Variants in CSMD1 observed in about 807,000 individuals in gnomAD.
The protein encoded by CSMD1 is CUB and Sushi multiple domains 1, also known as CUB and sushi domain-containing protein 1.
A neutral mutation model predicts 417.5 loss-of-function variants in CSMD1; 213 were observed. The ratio of observed to expected loss-of-function variants is 0.51; its 90% CI spans 0.46 to 0.57. CSMD1 has a LOEUF of 0.57. Ranked by LOEUF, CSMD1 falls within the 20% of genes least tolerant of loss-of-function variation. The pLI is 0.00. For missense variants in CSMD1, 6,923 were observed against 4,529.7 expected, an observed-to-expected ratio of 1.53 and a Z score of -15.17; for synonymous variants, 2,862 against 1,736.8, an observed-to-expected ratio of 1.65 and a Z score of -16.11.
chr8:4,204,038 T>G (rs1161982802), intron 3 of CSMD1, among the ~76,000 whole-genome samples: 1 of 152,122 alleles, frequency 6.6e-6, no homozygotes, highest in African/African-American at 2.4e-5. Context: ...TGGGCAGAAG[T>G]TGCGGTGAGC....
In CSMD1 at chr8:3,559,876, G is replaced by C. The variant is rs189225954; in HGVS notation, c.1344+15069C>G. On this transcript the variant is annotated intron_variant, in intron 10 of 69. Transcript: ENST00000635120. Reference sequence around the variant, plus strand: ...GAGGCCCCTAGAGTGGACACAGTGAGAATGGAAGAGGGGTTGAAGACAAAA... The same window carrying C: ...GAGGCCCCTAGAGTGGACACAGTGACAATGGAAGAGGGGTTGAAGACAAAA... 2.7e-4 allele frequency among the ~76,000 whole-genome samples: 41 copies of C among 152,290 alleles called. No homozygotes were observed. In the East Asian group the frequency reaches 5.4e-3, roughly 20 times the overall value.
intron 10 of CSMD1, among the ~76,000 whole-genome samples, chr8:3,526,100 G>C (rs1308089102): frequency 2.6e-5 from 4 of 152,110 alleles, no homozygotes; most frequent in Non-Finnish European, 5.9e-5. Flanking sequence ...TGTCAATTCA[G>C]CTTTAAAAAC....
At chr8:3,673,837 G>A (rs1408089405) in intron 7 of CSMD1, among the ~76,000 whole-genome samples, 4 of 152,176 alleles carry the variant, frequency 2.6e-5, no homozygotes, top group South Asian at 2.1e-4. Flanking sequence ...TCTCTGGAGG[G>A]CCAGGCATGG....
intron 7 of CSMD1, among the ~76,000 whole-genome samples, chr8:3,705,259 C>T (rs1019085106): frequency 2.0e-5 from 3 of 152,194 alleles, no homozygotes; most frequent in Admixed American, 2.0e-4. Context: ...CATGAACGCA[C>T]AAGGTCACCC....
chr8:3,987,337 C>G (rs1401579691), intron 5 of CSMD1, among the ~76,000 whole-genome samples: 2 of 152,222 alleles, frequency 1.3e-5, no homozygotes, highest in East Asian at 3.9e-4. Flanking sequence ...CAAGTACCGA[C>G]AGCATCTTTG....
intron 12 of CSMD1, among the ~76,000 whole-genome samples, chr8:3,448,394 GAA>G (rs1232564837): frequency 1.2e-4 from 2 of 16,628 alleles, no homozygotes; most frequent in African/African-American, 4.1e-4. Flanking sequence ...GAGGGAGGAG[GAA>G]GGGAAGGAAG....
chr8:3,223,621 G>T, intron 28 of CSMD1, 108 bp downstream of exon 28: 1 of 1,130,674 alleles, frequency 8.8e-7, no homozygotes, highest in Non-Finnish European at 1.3e-6. Flanking sequence ...ACAAAATCTA[G>T]CACTTACCTA....
intron 11 of CSMD1, among the ~76,000 whole-genome samples, chr8:3,492,049 C>G (rs755651836): frequency 6.6e-6 from 1 of 152,150 alleles, no homozygotes; most frequent in Non-Finnish European, 1.5e-5. Flanking sequence ...AAGGATTAAT[C>G]AGTGAAGGAG....
At chr8:4,402,994 T>C (rs184652787) in intron 3 of CSMD1, among the ~76,000 whole-genome samples, 1 of 151,538 alleles carries the variant, frequency 6.6e-6, no homozygotes, top group Admixed American at 6.6e-5. Context: ...TAATTTTCTT[T>C]TGTTGTTGTT....
chr8:3,096,011 T>C (rs991614010), intron 47 of CSMD1, among the ~76,000 whole-genome samples: 1 of 152,158 alleles, frequency 6.6e-6, no homozygotes, highest in African/African-American at 2.4e-5. Context: ...TGAGCCATGA[T>C]TTTTACATAT....
chr8:4,184,013 C>G (rs1039017536), intron 3 of CSMD1, among the ~76,000 whole-genome samples: 1 of 152,116 alleles, frequency 6.6e-6, no homozygotes, highest in Non-Finnish European at 1.5e-5. Flanking sequence ...GACAAGGGTA[C>G]AGTTAATGTT....
chr8:3,924,113 C>T (rs534763789), intron 5 of CSMD1, among the ~76,000 whole-genome samples: 7 of 152,234 alleles, frequency 4.6e-5, no homozygotes, highest in Admixed American at 1.3e-4. Flanking sequence ...CTTGTTGATG[C>T]GGGAAAATCT....
intron 12 of CSMD1, among the ~76,000 whole-genome samples, chr8:3,466,626 A>C (rs1277833980): frequency 7.5e-6 from 1 of 132,878 alleles, no homozygotes; most frequent in African/African-American, 2.9e-5. Flanking sequence ...TAGGGGTTTC[A>C]CCATGTTGGC....
intron 3 of CSMD1, among the ~76,000 whole-genome samples, chr8:4,308,489 C>A (rs756008604): frequency 6.6e-6 from 1 of 152,110 alleles, no homozygotes; most frequent in Admixed American, 6.6e-5. Context: ...ATGTGAAACA[C>A]GGCAAAAGGC....
At chr8:4,213,507 T>C (rs968705397) in intron 3 of CSMD1, among the ~76,000 whole-genome samples, 3 of 152,132 alleles carry the variant, frequency 2.0e-5, no homozygotes, top group Admixed American at 1.3e-4. Context: ...TAAATAAAAT[T>C]TGGTGGTGCG....
At chr8:4,356,662 C>A (rs1348379412) in intron 3 of CSMD1, among the ~76,000 whole-genome samples, 1 of 152,148 alleles carries the variant, frequency 6.6e-6, no homozygotes, top group Non-Finnish European at 1.5e-5. Context: ...TTCACATACA[C>A]CTGTTAGTGA....
chr8:4,870,954 C>A (rs1010946292), intron 1 of CSMD1, among the ~76,000 whole-genome samples: 3 of 152,104 alleles, frequency 2.0e-5, no homozygotes, highest in Admixed American at 6.5e-5. Flanking sequence ...ATTCAAATCC[C>A]CAGTGCTGAG....
rs1310352832 is a variant in CSMD1, at chr8:3,406,024, C to A, written c.2266+3G>T. 5 of 1,612,992 alleles carry A rather than the reference C, an allele frequency of 3.1e-6. No individual in the cohort carries two copies. Reference sequence around the variant, plus strand: ...GAAGAGCGGGGGGTGGCAGGGACTGCACCTTCACAGCGGGGCACGGTGGAG... The same window carrying A: ...GAAGAGCGGGGGGTGGCAGGGACTGAACCTTCACAGCGGGGCACGGTGGAG... On this transcript the variant is annotated splice_donor_region_variant and intron_variant, in intron 15 of 69. Transcript: ENST00000635120.
intron 11 of CSMD1, among the ~76,000 whole-genome samples, chr8:3,487,109 G>A (rs369949925): frequency 6.6e-6 from 1 of 152,208 alleles, no homozygotes; most frequent in African/African-American, 2.4e-5. Flanking sequence ...AAGGCTAAGA[G>A]TGTACTAGCA....
Sources: allele counts gnomAD v4.1 joint callset (sites outside exome capture counted in the v4.1 genomes callset), GRCh38; gene constraint gnomAD v4.1.1; transcripts MANE v1.5; gene names NCBI Gene and HGNC (gene_info 2026-07-23, HGNC 2026-07-21).